The following CSRNP3 variants were observed in gnomAD, a reference collection of about 807,000 sequenced individuals.
The protein encoded by CSRNP3 is cysteine and serine rich nuclear protein 3.
Under a neutral mutation model 48.0 loss-of-function variants are expected in CSRNP3, and 12 were observed. The observed-to-expected ratio is 0.25, with a 90% CI of 0.16 to 0.41. CSRNP3 has a LOEUF of 0.41. Ranked by LOEUF, CSRNP3 falls within the 10% of genes least tolerant of loss-of-function variation. CSRNP3 has a pLI of 1.00. For synonymous variants in CSRNP3, 263 were observed against 269.7 expected (o/e 0.98, Z 0.24); for missense variants, 580 against 724.4 (o/e 0.80, Z 2.29).
intron 2 of CSRNP3, among the ~76,000 whole-genome samples, chr2:165,502,543 G>T (rs551522598): frequency 2.2e-4 from 33 of 152,046 alleles, no homozygotes; most frequent in Admixed American, 9.2e-4. Context: ...CTCTAAAGGT[G>T]GAAATCATAG....
At chr2:165,669,826 C>T (rs981021743) in intron 5 of CSRNP3, among the ~76,000 whole-genome samples, 3 of 152,084 alleles carry the variant, frequency 2.0e-5, no homozygotes, top group Non-Finnish European at 4.4e-5. Flanking sequence ...CACACATGCC[C>T]ACCCCACACA....
At chr2:165,649,712 T>G (rs1476790382) in intron 4 of CSRNP3, among the ~76,000 whole-genome samples, 1 of 152,170 alleles carries the variant, frequency 6.6e-6, no homozygotes, top group Non-Finnish European at 1.5e-5. Flanking sequence ...TGGAGGCTAC[T>G]TTTTCTTGAT....
chr2:165,489,300 A>T (rs1684168299), intron 1 of CSRNP3, among the ~76,000 whole-genome samples: 1 of 147,864 alleles, frequency 6.8e-6, no homozygotes, highest in Non-Finnish European at 1.5e-5. Context: ...TTGTGGCAAT[A>T]ATCAATAGTT....
chr2:165,650,465 A>C (rs947399089), intron 4 of CSRNP3, among the ~76,000 whole-genome samples: 2 of 152,216 alleles, frequency 1.3e-5, no homozygotes, highest in African/African-American at 4.8e-5. Flanking sequence ...AATTTACAGA[A>C]GTCATTTGTA....
intron 3 of CSRNP3, among the ~76,000 whole-genome samples, chr2:165,561,388 T>C (rs1308640745): frequency 1.3e-5 from 2 of 152,166 alleles, no homozygotes; most frequent in South Asian, 4.1e-4. Context: ...AAAGACCATA[T>C]GAAATTGAGC....
chr2:165,487,464 G>A (rs1365985334), intron 1 of CSRNP3, among the ~76,000 whole-genome samples: 3 of 140,906 alleles, frequency 2.1e-5, no homozygotes, highest in South Asian at 4.8e-4. Context: ...GATACTCCTC[G>A]AGAAGAGCAA....
At position 165,679,186 on chromosome 2, in the gene CSRNP3, G is replaced by C. The variant is rs1687483386; in HGVS notation, c.1191G>C (p.Leu397Phe). ...AAGGAGATGGCTTCGTGGAAGGTTT[G>C]GGCACCCATGCCGAAGTTGTCCCTC... ...DDKGDGFVEG[L>F]GTHAEVVPLP... Residue 397 changes from leucine (L) to phenylalanine (F), a missense_variant, in exon 7 of 7, where the codon TTG becomes TTC. Transcript: ENST00000651982. 2.5e-6 allele frequency: 4 copies of C among 1,613,812 alleles called. No individual in the cohort carries two copies. The highest frequency in any genetic ancestry group is 3.4e-6 in the Non-Finnish European group (4 of 1,179,960).
intron 3 of CSRNP3, among the ~76,000 whole-genome samples, chr2:165,559,796 C>CTTTT (rs11313094): frequency 8.5e-3 from 832 of 98,388 alleles, no homozygotes; most frequent in Middle Eastern, 0.045. Flanking sequence ...TTCTTTCTTT[C>CTTTT]TTTTTTTTTT....
intron 5 of CSRNP3, among the ~76,000 whole-genome samples, chr2:165,663,735 A>G (rs1053323936): frequency 6.6e-6 from 1 of 152,206 alleles, no homozygotes; most frequent in African/African-American, 2.4e-5. Flanking sequence ...CCAGCTTGTT[A>G]AAGTTGCTCA....
At chr2:165,673,043 C>T (rs1010266730) in intron 5 of CSRNP3, among the ~76,000 whole-genome samples, 10 of 150,984 alleles carry the variant, frequency 6.6e-5, no homozygotes, top group African/African-American at 2.4e-4. Context: ...AAAACCCTGC[C>T]AGCTCACTTC....
chr2:165,571,147 AATT>A (rs1450237067), intron 3 of CSRNP3, among the ~76,000 whole-genome samples: 1 of 151,896 alleles, frequency 6.6e-6, no homozygotes, highest in Non-Finnish European at 1.5e-5. Context: ...TTAATTACTG[AATT>A]ATTTATAAGT....
chr2:165,660,327 TGAGAAATAAAAGAAGCACAGA>T (rs1312459367), intron 5 of CSRNP3, among the ~76,000 whole-genome samples: 2 of 152,206 alleles, frequency 1.3e-5, no homozygotes, highest in African/African-American at 4.8e-5. Flanking sequence ...TGTTTACAAC[TGAGAAATAAAAGAAGCACAGA>T]GATGTTAAGT....
chr2:165,631,458 C>G (rs1344007816), intron 4 of CSRNP3, among the ~76,000 whole-genome samples: 1 of 152,206 alleles, frequency 6.6e-6, no homozygotes, highest in Non-Finnish European at 1.5e-5. Flanking sequence ...TCTAATTTTA[C>G]TGACACATAT....
chr2:165,678,899 A>G lies in CSRNP3; in HGVS notation c.904A>G (p.Met302Val), dbSNP rs144629858. ...HSEISAHSSS[M>V]GPVAHSVEYS... ...TGAGATAAGTGCTCACAGTAGTTCT[A>G]TGGGCCCTGTCGCTCACTCCGTAGA... Residue 302 changes from methionine to valine, a missense_variant, in exon 7 of 7, where the codon ATG becomes GTG. By Grantham distance (21) the Met-to-Val change is conservative. This residue lies in a region of CSRNP3 where 369 missense variants were observed against 380.8 expected (regional missense o/e 0.97). Transcript: ENST00000651982. 4.3e-6 allele frequency: 7 copies of G among 1,614,066 alleles called. No individual in the cohort carries two copies. The highest frequency in any genetic ancestry group is 1.6e-4 in the Middle Eastern group (1 of 6,062).
At chr2:165,626,483 A>G (rs1686438289) in intron 4 of CSRNP3, among the ~76,000 whole-genome samples, 1 of 152,234 alleles carries the variant, frequency 6.6e-6, no homozygotes. Flanking sequence ...AGGTACATAA[A>G]CACCTTATTT....
chr2:165,679,806 A>AAG lies in CSRNP3; in HGVS notation c.*54_*55insGA. The AAG allele has an allele frequency of 6.4e-7, 1 of 1,551,614 alleles. No homozygotes were observed. The highest frequency in any genetic ancestry group is 8.7e-7 in the Non-Finnish European group (1 of 1,149,724). On this transcript the variant is annotated 3_prime_UTR_variant, in exon 7 of 7. Coordinates refer to ENST00000651982, the MANE Select transcript of CSRNP3 (RefSeq NM_001172173.2). ...TTCTCTTATTTAAGGCACTGTATTT[A>AAG]ATTGGATTTCCTGGGCTCATCATTG...
At chr2:165,576,695 C>G (rs1260131429) in intron 3 of CSRNP3, among the ~76,000 whole-genome samples, 1 of 151,994 alleles carries the variant, frequency 6.6e-6, no homozygotes, top group African/African-American at 2.4e-5. Context: ...ATACTACTTC[C>G]ATACAAATCT....
chr2:165,540,745 C>T lies in CSRNP3; in HGVS notation c.-24+22784C>T, dbSNP rs543736413. ...TGAATTACCAGTTTAGTCTAAATTT[C>T]TAAAGCCTGAACTCTGGGTTCTAGT... On this transcript the variant is annotated intron_variant, in intron 3 of 6. Coordinates refer to ENST00000651982, the MANE Select transcript of CSRNP3 (RefSeq NM_001172173.2). Among the ~76,000 whole-genome samples the T allele has an allele frequency of 4.6e-5, 7 of 152,162 alleles. No homozygotes were observed. The South Asian group carries it at 1.0e-3, about 23-fold the overall frequency.
intron 3 of CSRNP3, among the ~76,000 whole-genome samples, chr2:165,580,332 A>G (rs1685523533): frequency 6.6e-6 from 1 of 152,138 alleles, no homozygotes; most frequent in South Asian, 2.1e-4. Flanking sequence ...AGTCCAGGTA[A>G]TTTTACACTA....
Sources: gnomAD v4.1 joint callset for allele counts (sites outside exome capture counted in the v4.1 genomes callset) on GRCh38, gnomAD v4.1.1 for gene constraint, gnomAD v4.1.1 regional missense constraint, MANE v1.5 for transcripts, NCBI Gene and HGNC (gene_info 2026-07-23, HGNC 2026-07-21) for gene names.